Variants in RBM39 observed in about 807,000 individuals in gnomAD.
The protein encoded by RBM39 is RNA binding motif protein 39.
A neutral mutation model predicts 79.6 loss-of-function variants in RBM39; 12 were observed. The ratio of observed to expected loss-of-function variants is 0.15; its 90% CI spans 0.10 to 0.24. The LOEUF (loss-of-function observed/expected upper bound fraction) is 0.24. RBM39 is among the 10% of genes least tolerant of loss of function. RBM39 has a pLI of 1.00. For missense variants in RBM39, 243 were observed against 653.4 expected, an observed-to-expected ratio of 0.37 and a Z score of 6.85; for synonymous variants, 185 against 208.4, an observed-to-expected ratio of 0.89 and a Z score of 0.97.
rs1039029396 is a variant in RBM39, at chr20:35,732,149, A to C, written c.102-14T>G. On this transcript the variant is annotated splice_polypyrimidine_tract_variant and intron_variant, in intron 3 of 16. Transcript: ENST00000253363. ...CTTTTTTTCCTCCTGAGAAGAAAAA[A>C]ACTCGCCATTATCATGCTGGCTTAA... 1 of 1,613,456 alleles carries C rather than the reference A, an allele frequency of 6.2e-7. No individual in the cohort carries two copies. The highest frequency in any genetic ancestry group is 8.5e-7 in the Non-Finnish European group (1 of 1,179,766).
At chr20:35,735,836 A>G (rs1288019865) in intron 3 of RBM39, among the ~76,000 whole-genome samples, 3 of 152,220 alleles carry the variant, frequency 2.0e-5, no homozygotes, top group Non-Finnish European at 2.9e-5. Flanking sequence ...CTCATGGTTA[A>G]AGAAAATTGT....
At chr20:35,729,261 A>G (rs2039102858) in intron 6 of RBM39, 51 bp downstream of exon 6, 7 of 1,469,794 alleles carry the variant, frequency 4.8e-6, no homozygotes, top group Admixed American at 2.3e-5. Context: ...TAACAGTACC[A>G]TAAGCTGCAA....
chr20:35,734,675 T>C, intron 3 of RBM39: 1 of 526,506 alleles, frequency 1.9e-6, no homozygotes, highest in Non-Finnish European at 3.0e-6. Context: ...TCTAGGACTT[T>C]TTGTAAACAA....
At chr20:35,737,078 G>A (rs1197571854) in intron 3 of RBM39, among the ~76,000 whole-genome samples, 2 of 149,962 alleles carry the variant, frequency 1.3e-5, no homozygotes, top group African/African-American at 4.9e-5. Flanking sequence ...CCAACATCGT[G>A]AAACCCTGTC....
At chr20:35,739,049 G>A (rs1197036871) in intron 2 of RBM39, 32 bp from the exon 3 acceptor site, 1 of 1,565,572 alleles carries the variant, frequency 6.4e-7, no homozygotes, top group Non-Finnish European at 8.8e-7. Flanking sequence ...ACATCATGAG[G>A]ACGAAGTGGT....
chr20:35,705,757 C>T lies in RBM39; in HGVS notation c.1308-427G>A, dbSNP rs574727372. On this transcript the variant is annotated intron_variant, in intron 14 of 16. Transcript: ENST00000253363. The stretch of plus-strand genomic sequence containing the variant: ...AGGTTGCAGTGAGCCAGTATCAAAT[C>T]CCTGCATGCCAGCCTAGGTAACTCC... Among the ~76,000 whole-genome samples, 9 of 151,864 alleles carry T rather than the reference C, an allele frequency of 5.9e-5. No homozygotes were observed. The East Asian group carries it at 1.7e-3, about 29-fold the overall frequency.
intron 7 of RBM39, 74 bp from the exon 8 acceptor site, chr20:35,724,796 G>A (rs2038447517): frequency 8.1e-6 from 12 of 1,481,308 alleles, no homozygotes; most frequent in Non-Finnish European, 1.1e-5. Flanking sequence ...AGACACTGTT[G>A]AAGGATGAAG....
intron 10 of RBM39, among the ~76,000 whole-genome samples, chr20:35,715,690 T>C (rs2037023547): frequency 6.6e-6 from 1 of 152,038 alleles, no homozygotes; most frequent in Admixed American, 6.6e-5. Context: ...TAAAGGAAAA[T>C]AGGAACACAG....
chr20:35,716,926 C>T (rs2037203804), intron 9 of RBM39, 121 bp from the exon 10 acceptor site: 1 of 621,826 alleles, frequency 1.6e-6, no homozygotes, highest in Admixed American at 3.2e-5. Flanking sequence ...AGACTTATCA[C>T]AAAACCTCAT....
At chr20:35,722,227 G>A (rs1400381655) in intron 8 of RBM39, among the ~76,000 whole-genome samples, 1 of 151,886 alleles carries the variant, frequency 6.6e-6, no homozygotes, top group Non-Finnish European at 1.5e-5. Context: ...CTAACACAGT[G>A]AAACACCATC....
chr20:35,740,728 A>G (rs1370318105), intron 2 of RBM39, 96 bp downstream of exon 2: 1 of 1,368,052 alleles, frequency 7.3e-7, no homozygotes, highest in African/African-American at 1.4e-5. Flanking sequence ...ATAAATCAAG[A>G]GGGCTCCGGG....
In RBM39 at chr20:35,704,534, G is replaced by C; in HGVS notation, c.1540C>G (p.Leu514Val). 1 of 1,613,686 alleles carries C rather than the reference G, an allele frequency of 6.2e-7. No individual in the cohort carries two copies. The highest frequency in any genetic ancestry group is 8.5e-7 in the Non-Finnish European group (1 of 1,179,686). ...AYVPLPTYHN[L>V]FPDSMTATQL... ...GTTGCTGTCATAGAATCAGGAAACAGGTTGTGGTAAGTTGGAAGAGGTACA... is the reference window on the plus strand; with the variant it reads ...GTTGCTGTCATAGAATCAGGAAACACGTTGTGGTAAGTTGGAAGAGGTACA... Residue 514 changes from leucine (L) to valine (V), a missense_variant, in exon 17 of 17, where the codon CTG (leucine) becomes GTG (valine). Leu to Val is a conservative substitution (Grantham distance 32, BLOSUM62 1). This residue lies in a region of RBM39 where 48 missense variants were observed against 130.2 expected (regional missense o/e 0.37). Coordinates refer to ENST00000253363, the MANE Select transcript of RBM39 (RefSeq NM_184234.3).
At chr20:35,706,246 T>C (rs1413739371) in intron 14 of RBM39, among the ~76,000 whole-genome samples, 1 of 152,124 alleles carries the variant, frequency 6.6e-6, no homozygotes, top group Non-Finnish European at 1.5e-5. Flanking sequence ...GCATGAGAAC[T>C]GCTTGAACCT....
At chr20:35,740,445 C>T in intron 2 of RBM39, 4 of 865,010 alleles carry the variant, frequency 4.6e-6, no homozygotes, top group Non-Finnish European at 6.7e-6. Flanking sequence ...TTTTGCTATA[C>T]CAAACTGGAG....
At chr20:35,713,629 C>A (rs1296127361) in intron 11 of RBM39, 1 of 126,734 alleles carries the variant, frequency 7.9e-6, no homozygotes, top group East Asian at 2.4e-4. Flanking sequence ...CCGGCAGAAA[C>A]CCCATCTCTT....
rs902221612 is a variant in RBM39, at chr20:35,729,304, T to C, written c.416+8A>G. On this transcript the variant is annotated splice_region_variant and intron_variant, in intron 6 of 16. Transcript: ENST00000253363. ...TTAAGAGCTAAAGGCTTTAAAGAAG[T>C]AAACTACCTCACAGGGCTCTTGTCT... 6.3e-7 allele frequency: 1 copy of C among 1,579,540 alleles called. No homozygotes were observed. Among genetic ancestry groups the C allele is most frequent in the Non-Finnish European group, 8.5e-7 (1 of 1,170,680 alleles).
At position 35,702,674 on chromosome 20, in the gene RBM39, G is replaced by A. The variant is rs2035340256; in HGVS notation, c.*1807C>T. 1 of 152,282 alleles carries A rather than the reference G, an allele frequency of 6.6e-6. No homozygotes were observed. The highest frequency in any genetic ancestry group is 6.5e-5 in the Admixed American group (1 of 15,284). 9.4% of individuals were successfully genotyped at this position (152,282 alleles called of 1,614,324 possible). ...AATGAGGCTGGGCGCGGTGGCTCAT[G>A]CCTGTAATCCCGGCACTTTGGGAGG... On this transcript the variant is annotated 3_prime_UTR_variant, in exon 17 of 17. Transcript: ENST00000253363.
At chr20:35,729,286 C>T in intron 6 of RBM39, 26 bp downstream of exon 6, 4 of 1,558,342 alleles carry the variant, frequency 2.6e-6, no homozygotes, top group African/African-American at 2.8e-5. Flanking sequence ...TTTTTAAGAG[C>T]TAAAGGCTTT....
At chr20:35,711,666 A>C (rs1436396600) in intron 12 of RBM39, among the ~76,000 whole-genome samples, 1 of 152,240 alleles carries the variant, frequency 6.6e-6, no homozygotes, top group Non-Finnish European at 1.5e-5. Flanking sequence ...ACCACTAAGA[A>C]GGCAAAACAG....
Sources: gnomAD v4.1 joint callset for allele counts (sites outside exome capture counted in the v4.1 genomes callset) on GRCh38, gnomAD v4.1.1 for gene constraint, gnomAD v4.1.1 regional missense constraint, MANE v1.5 for transcripts, NCBI Gene and HGNC (gene_info 2026-07-23, HGNC 2026-07-21) for gene names.